SAMMSON: variants seen among roughly 807,000 people sequenced by gnomAD.
The protein encoded by SAMMSON is survival associated mitochondrial melanoma specific oncogenic non-coding RNA, also known as long intergenic non-protein coding RNA 1212.
intron 6 of SAMMSON, among the ~76,000 whole-genome samples, chr3:70,262,261 G>A (rs1701874216): frequency 1.3e-5 from 2 of 152,132 alleles, no homozygotes; most frequent in Non-Finnish European, 2.9e-5. Flanking sequence ...ACTGAAAACA[G>A]GCAGTGAAGC....
At chr3:70,379,041 T>G (rs1363461287) in intron 9 of SAMMSON, among the ~76,000 whole-genome samples, 1 of 149,686 alleles carries the variant, frequency 6.7e-6, no homozygotes, top group African/African-American at 2.5e-5. Context: ...TAAGACGGAG[T>G]CTCACTCTGT....
intron 9 of SAMMSON, among the ~76,000 whole-genome samples, chr3:70,370,868 T>C (rs768333587): frequency 2.6e-5 from 4 of 152,054 alleles, no homozygotes; most frequent in Non-Finnish European, 5.9e-5. Flanking sequence ...GATTTAGAGG[T>C]CTTAGTCATA....
chr3:70,147,049 T>TA (rs1040583743), intron 4 of SAMMSON, among the ~76,000 whole-genome samples: 3 of 152,076 alleles, frequency 2.0e-5, no homozygotes, highest in African/African-American at 7.2e-5. Context: ...AACCAAAATT[T>TA]AAAAAATTAC....
chr3:70,237,043 T>C (rs1222460804), intron 4 of SAMMSON, among the ~76,000 whole-genome samples: 4 of 150,504 alleles, frequency 2.7e-5, no homozygotes. Context: ...CTTGCCCCAT[T>C]CTCACTGCTC....
intron 2 of SAMMSON, among the ~76,000 whole-genome samples, chr3:70,411,825 A>T (rs532087162): frequency 2.6e-5 from 4 of 152,268 alleles, no homozygotes; most frequent in African/African-American, 9.6e-5. Context: ...GAGTCCATTA[A>T]ACCTCTCTTT....
chr3:70,071,162 A>C (rs765619167), intron 3 of SAMMSON, among the ~76,000 whole-genome samples: 2 of 152,010 alleles, frequency 1.3e-5, no homozygotes, highest in Non-Finnish European at 2.9e-5. Context: ...AATCATTTGT[A>C]ATTATGCATC....
At chr3:70,371,426 A>T (rs1408886892) in intron 9 of SAMMSON, among the ~76,000 whole-genome samples, 1 of 152,004 alleles carries the variant, frequency 6.6e-6, no homozygotes, top group African/African-American at 2.4e-5. Context: ...ATTGATAGTA[A>T]GTCTTCCAAT....
chr3:70,131,765 G>A (rs2067483847), intron 4 of SAMMSON, among the ~76,000 whole-genome samples: 1 of 151,922 alleles, frequency 6.6e-6, no homozygotes, highest in African/African-American at 2.4e-5. Flanking sequence ...GATTTTTTAA[G>A]TAGAGGTAGG....
At chr3:70,202,836 A>G (rs1457641808) in intron 4 of SAMMSON, among the ~76,000 whole-genome samples, 1 of 152,096 alleles carries the variant, frequency 6.6e-6, no homozygotes, top group Non-Finnish European at 1.5e-5. Context: ...GGGACTGGCT[A>G]ATTAGGAGGG....
chr3:70,127,940 C>G (rs747938507), intron 4 of SAMMSON, among the ~76,000 whole-genome samples: 2 of 152,220 alleles, frequency 1.3e-5, no homozygotes, highest in Non-Finnish European at 2.9e-5. Context: ...TGTGCCCAAC[C>G]ATGCCCCACA....
intron 7 of SAMMSON, among the ~76,000 whole-genome samples, chr3:70,320,449 G>A (rs1194836300): frequency 6.6e-6 from 1 of 152,020 alleles, no homozygotes; most frequent in Non-Finnish European, 1.5e-5. Context: ...GAAATGTGGG[G>A]TCAAATGCTA....
chr3:70,387,067 G>A (rs1317816543), intron 9 of SAMMSON, among the ~76,000 whole-genome samples: 1 of 151,994 alleles, frequency 6.6e-6, no homozygotes, highest in Non-Finnish European at 1.5e-5. Context: ...CTGGAAACAA[G>A]TAGGGGGACA....
At chr3:70,147,795 T>C (rs2067555424) in intron 4 of SAMMSON, among the ~76,000 whole-genome samples, 1 of 152,078 alleles carries the variant, frequency 6.6e-6, no homozygotes, top group Admixed American at 6.6e-5. Context: ...AAAATAATTA[T>C]ATGTTGGACA....
chr3:70,413,542 A>G (rs1450200397), intron 2 of SAMMSON, among the ~76,000 whole-genome samples: 2 of 152,110 alleles, frequency 1.3e-5, no homozygotes, highest in Non-Finnish European at 2.9e-5. Flanking sequence ...TACAACATCA[A>G]ATATATTAAA....
At chr3:70,124,897 CATATA>C (rs1559519174) in intron 4 of SAMMSON, among the ~76,000 whole-genome samples, 1 of 140,970 alleles carries the variant, frequency 7.1e-6, no homozygotes, top group East Asian at 2.1e-4. Context: ...CATTAAAATA[CATATA>C]ATATAGTTCC....
At chr3:70,307,678 A>G (rs1217267028) in intron 7 of SAMMSON, among the ~76,000 whole-genome samples, 1 of 151,934 alleles carries the variant, frequency 6.6e-6, no homozygotes, top group African/African-American at 2.4e-5. Context: ...TTAACATTTC[A>G]TCTGCTGGCT....
intron 7 of SAMMSON, among the ~76,000 whole-genome samples, chr3:70,311,166 T>C (rs754265413): frequency 3.3e-5 from 5 of 152,206 alleles, no homozygotes; most frequent in Non-Finnish European, 7.3e-5. Context: ...GTAAGAGCTG[T>C]CCTTTTACAA....
chr3:70,378,723 G>GT (rs1703040655), intron 9 of SAMMSON, among the ~76,000 whole-genome samples: 1 of 151,906 alleles, frequency 6.6e-6, no homozygotes, highest in South Asian at 2.1e-4. Context: ...CATCTCTTTT[G>GT]TAAGAATCTA....
In SAMMSON at chr3:70,196,859, A is replaced by G. The variant is rs1701186578; in HGVS notation, n.508-52248A>G. 7.5e-6 allele frequency: 3 copies of G among 398,066 alleles called. 1 individual carries two copies. In the South Asian group the frequency reaches 4.0e-4, roughly 53 times the overall value. The allele number at this position is 398,066 out of a possible 1,614,324, so 24.7% of individuals were successfully genotyped here. A position where few individuals can be genotyped will look rare whatever the true frequency, so the allele number is the denominator to read the frequency against. On this transcript the variant is annotated intron_variant and non_coding_transcript_variant, in intron 4 of 9. Coordinates refer to ENST00000642114, the Ensembl canonical transcript of SAMMSON. ...CCTTACATTTCAGCACATGGAAATC[A>G]GTCTTGTTGTAATGGAATTTCCCAC...
Sources: allele counts gnomAD v4.1 joint callset (sites outside exome capture counted in the v4.1 genomes callset), GRCh38; gene constraint gnomAD v4.1.1; transcripts MANE v1.5; gene names NCBI Gene and HGNC (gene_info 2026-07-23, HGNC 2026-07-21).